SCN11A: variants seen among roughly 807,000 people sequenced by gnomAD.
SCN11A encodes the protein sodium voltage-gated channel alpha subunit 11.
In SCN11A, 122 loss-of-function variants were observed where a neutral mutation model predicts 162.2. The observed-to-expected ratio is 0.75, with a 90% CI of 0.65 to 0.87. SCN11A has a LOEUF of 0.87. Among genes scored for constraint, SCN11A ranks in the 40% least tolerant of loss-of-function variants. The pLI, the probability that SCN11A is intolerant of heterozygous loss-of-function variation, is 0.00. For synonymous variants in SCN11A, 758 were observed against 751.5 expected, an observed-to-expected ratio of 1.01 and a Z score of -0.14; for missense variants, 2,015 against 2,181.6, an observed-to-expected ratio of 0.92 and a Z score of 1.52.
rs1292909478 is a variant in SCN11A, at chr3:39,051,859, A to C, written c.-404+2T>G. The C allele has an allele frequency of 1.4e-6, 1 of 736,306 alleles. No individual in the cohort carries two copies. 45.6% of individuals were successfully genotyped at this position (736,306 alleles called of 1,614,324 possible). On this transcript the variant is annotated splice_donor_variant, in intron 1 of 29. Transcript: ENST00000302328. LOFTEE classifies it low-confidence loss of function (5UTR_SPLICE). ...AGTGGTTTTGTTTTTAGGTGCATCT[A>C]CCTCATCACATGGCTACCGGCCACA...
At chr3:38,908,690 T>A (rs939808703) in intron 13 of SCN11A, among the ~76,000 whole-genome samples, 2 of 152,152 alleles carry the variant, frequency 1.3e-5, no homozygotes, top group Non-Finnish European at 2.9e-5. Context: ...CAGCCTGGAT[T>A]TACATATACT....
At chr3:39,010,378 C>CTTTTTT (rs201494677) in intron 2 of SCN11A, among the ~76,000 whole-genome samples, 2 of 120,748 alleles carry the variant, frequency 1.7e-5, no homozygotes, top group African/African-American at 4.3e-5. Flanking sequence ...TTTAGTTTTT[C>CTTTTTT]TTTTTTCTTT....
chr3:38,933,386 C>T (rs1194940056), intron 7 of SCN11A, among the ~76,000 whole-genome samples: 27 of 152,178 alleles, frequency 1.8e-4, no homozygotes, highest in Non-Finnish European at 2.8e-4. Context: ...ATGACTTTGA[C>T]GAGTTGAGAG....
At position 38,905,333 on chromosome 3, in the gene SCN11A, G is replaced by A. The variant is rs1186339026; in HGVS notation, c.1474-12C>T. 1 of 1,609,570 alleles carries A rather than the reference G, an allele frequency of 6.2e-7. No homozygotes were observed. Among genetic ancestry groups the A allele is most frequent in the Admixed American group, 1.7e-5 (1 of 59,474 alleles). ...TCTAGGAGCTGTGGCTGTAAGAGAA[G>A]GCATAGGGCACCTTCTAAAGACAGG... On this transcript the variant is annotated splice_polypyrimidine_tract_variant and intron_variant, in intron 14 of 29. Transcript: ENST00000302328.
intron 2 of SCN11A, among the ~76,000 whole-genome samples, chr3:38,964,543 C>G (rs1228024346): frequency 6.6e-6 from 1 of 152,162 alleles, no homozygotes; most frequent in African/African-American, 2.4e-5. Flanking sequence ...CAGAATGGGA[C>G]AGGGAGCAAC....
chr3:38,957,684 C>A (rs1007706271), intron 3 of SCN11A, among the ~76,000 whole-genome samples: 4 of 152,214 alleles, frequency 2.6e-5, no homozygotes, highest in African/African-American at 9.6e-5. Context: ...CCCACTCCTG[C>A]CGAATAGACA....
intron 2 of SCN11A, among the ~76,000 whole-genome samples, chr3:38,966,837 G>C (rs775349286): frequency 6.6e-6 from 1 of 152,152 alleles, no homozygotes; most frequent in Non-Finnish European, 1.5e-5. Flanking sequence ...TGTTTATGCA[G>C]TGCATTGCAT....
intron 2 of SCN11A, among the ~76,000 whole-genome samples, chr3:38,992,749 C>A (rs1490919918): frequency 6.6e-6 from 1 of 152,232 alleles, no homozygotes; most frequent in Non-Finnish European, 1.5e-5. Context: ...AACCAATGCA[C>A]AGATAGGTCA....
intron 11 of SCN11A, among the ~76,000 whole-genome samples, chr3:38,917,522 A>G (rs558243619): frequency 5.3e-4 from 80 of 152,338 alleles, no homozygotes; most frequent in African/African-American, 1.8e-3. Context: ...AAGAACATGG[A>G]TGGAGCTGGA....
chr3:39,036,192 G>A (rs963710549), intron 1 of SCN11A, among the ~76,000 whole-genome samples: 1 of 152,028 alleles, frequency 6.6e-6, no homozygotes, highest in Non-Finnish European at 1.5e-5. Flanking sequence ...AGCCCAGGCT[G>A]GAGTGCAATG....
chr3:38,907,832 A>C, intron 14 of SCN11A, 117 bp downstream of exon 14: 1 of 876,476 alleles, frequency 1.1e-6, no homozygotes. Context: ...AGTATGTGCA[A>C]ATGGATGAAT....
intron 1 of SCN11A, among the ~76,000 whole-genome samples, chr3:39,050,155 C>T (rs1200240547): frequency 6.6e-6 from 1 of 152,138 alleles, no homozygotes; most frequent in Non-Finnish European, 1.5e-5. Context: ...CTGGGTATGG[C>T]CTCTGCATAC....
intron 7 of SCN11A, among the ~76,000 whole-genome samples, chr3:38,932,483 G>C (rs1235296547): frequency 6.6e-6 from 1 of 152,164 alleles, no homozygotes; most frequent in Admixed American, 6.5e-5. Flanking sequence ...AAAGGGGTGA[G>C]AGACGGCACC....
intron 2 of SCN11A, among the ~76,000 whole-genome samples, chr3:38,962,942 G>GA (rs1481355096): frequency 5.9e-5 from 9 of 151,930 alleles, no homozygotes; most frequent in Admixed American, 1.3e-4. Context: ...CAACAAACGT[G>GA]AAAAAATGCT....
chr3:39,025,461 T>A (rs1020602282), intron 2 of SCN11A, among the ~76,000 whole-genome samples: 2 of 152,220 alleles, frequency 1.3e-5, no homozygotes, highest in African/African-American at 4.8e-5. Context: ...CTTGATTATA[T>A]GCTAAACAAG....
intron 23 of SCN11A, among the ~76,000 whole-genome samples, chr3:38,877,114 C>G (rs9713633): frequency 1.2e-5 from 1 of 86,172 alleles, no homozygotes; most frequent in African/African-American, 4.6e-5. Context: ...GGTGTATATA[C>G]TATATATATG....
chr3:38,911,760 A>G (rs185683699), intron 11 of SCN11A, among the ~76,000 whole-genome samples: 1 of 152,198 alleles, frequency 6.6e-6, no homozygotes, highest in African/African-American at 2.4e-5. Context: ...ATAATGTTTA[A>G]TTTCTAATAA....
At chr3:38,884,316 T>G (rs1301596100) in intron 21 of SCN11A, among the ~76,000 whole-genome samples, 1 of 152,212 alleles carries the variant, frequency 6.6e-6, no homozygotes, top group Non-Finnish European at 1.5e-5. Flanking sequence ...CAAGAGCCAG[T>G]GCAAACATAA....
chr3:38,976,872 C>T (rs573889493), intron 2 of SCN11A, among the ~76,000 whole-genome samples: 21 of 152,202 alleles, frequency 1.4e-4, no homozygotes, highest in South Asian at 2.1e-4. Flanking sequence ...TCCATGTAGA[C>T]GCTCTGAATA....
Sources: allele counts gnomAD v4.1 joint callset (sites outside exome capture counted in the v4.1 genomes callset), GRCh38; gene constraint gnomAD v4.1.1; transcripts MANE v1.5; gene names NCBI Gene and HGNC (gene_info 2026-07-23, HGNC 2026-07-21).